Variants in NUP210L observed in about 807,000 individuals in gnomAD.
The protein encoded by NUP210L is nucleoporin 210 like.
A neutral mutation model predicts 208.5 loss-of-function variants in NUP210L; 74 were observed. The ratio of observed to expected loss-of-function variants is 0.35; its 90% CI spans 0.29 to 0.43. The LOEUF (loss-of-function observed/expected upper bound fraction) is 0.43, where lower values mean the gene tolerates loss of function less well. NUP210L is among the 20% of genes least tolerant of loss of function. The pLI is 1.00. For missense variants in NUP210L, 1,843 were observed against 2,289.4 expected, an observed-to-expected ratio of 0.81 and a Z score of 3.98; for synonymous variants, 780 against 816.9, an observed-to-expected ratio of 0.95 and a Z score of 0.77.
chr1:154,123,554 C>T (rs1343728170), intron 10 of NUP210L, among the ~76,000 whole-genome samples: 1 of 152,112 alleles, frequency 6.6e-6, no homozygotes, highest in Non-Finnish European at 1.5e-5. Flanking sequence ...TCTGGTAAAT[C>T]TATAATAATT....
At chr1:154,090,810 T>TAA (rs78712088) in intron 15 of NUP210L, among the ~76,000 whole-genome samples, 3 of 135,720 alleles carry the variant, frequency 2.2e-5, no homozygotes, top group Admixed American at 7.4e-5. Flanking sequence ...AAACTACATC[T>TAA]AAAAAAAAAA....
intron 7 of NUP210L, among the ~76,000 whole-genome samples, chr1:154,134,066 C>T (rs1658389287): frequency 6.6e-6 from 1 of 151,488 alleles, no homozygotes; most frequent in African/African-American, 2.4e-5. Context: ...AGGAGAATAA[C>T]TCGAACCTGG....
chr1:154,107,604 A>G (rs567689328), intron 12 of NUP210L, among the ~76,000 whole-genome samples: 16 of 151,286 alleles, frequency 1.1e-4, no homozygotes, highest in Admixed American at 6.6e-5. Context: ...AGTGGCTCAC[A>G]CCTGTAATCC....
intron 12 of NUP210L, among the ~76,000 whole-genome samples, chr1:154,113,616 T>C (rs959312987): frequency 6.6e-6 from 1 of 152,040 alleles, no homozygotes; most frequent in Admixed American, 6.6e-5. Context: ...TCCCAGCATT[T>C]TGGGAGGCCA....
chr1:154,094,179 A>G (rs960989366), intron 15 of NUP210L, among the ~76,000 whole-genome samples: 36 of 152,256 alleles, frequency 2.4e-4, no homozygotes, highest in African/African-American at 7.9e-4. Context: ...GCTACTCAGG[A>G]GGCCGAAACA....
chr1:154,010,240 A>T, intron 34 of NUP210L, 119 bp from the exon 35 acceptor site: 1 of 903,690 alleles, frequency 1.1e-6, no homozygotes, highest in Non-Finnish European at 1.7e-6. Context: ...AGGGTCAGTT[A>T]TGGCTGGTTT....
At chr1:154,050,884 T>C (rs1284052541) in intron 25 of NUP210L, among the ~76,000 whole-genome samples, 1 of 152,234 alleles carries the variant, frequency 6.6e-6, no homozygotes, top group Non-Finnish European at 1.5e-5. Flanking sequence ...GGTAAAGTTT[T>C]TCAGATGCCC....
chr1:154,083,164 C>A (rs1655441704), intron 16 of NUP210L, among the ~76,000 whole-genome samples: 1 of 152,100 alleles, frequency 6.6e-6, no homozygotes. Flanking sequence ...CTTTTATTCC[C>A]TTATTTGGCC....
exon 7 of NUP210L, chr1:154,135,959 G>T (rs1283546808): frequency 1.9e-6 from 3 of 1,603,320 alleles, no homozygotes. Flanking sequence ...AATGTTCCAG[G>T]GGAAATTTCA....
chr1:154,009,799 A>C (rs905329277), intron 35 of NUP210L, among the ~76,000 whole-genome samples, 173 bp downstream of exon 35: 1 of 151,710 alleles, frequency 6.6e-6, no homozygotes, highest in Non-Finnish European at 1.5e-5. Context: ...TCTCAAAAAA[A>C]AAAAAAAAAA....
intron 27 of NUP210L, among the ~76,000 whole-genome samples, chr1:154,036,313 CATGT>C (rs1427215131): frequency 1.0e-3 from 104 of 104,112 alleles, no homozygotes; most frequent in East Asian, 7.2e-3. Flanking sequence ...ACAGTTGGAA[CATGT>C]GTGTGTGTGT....
intron 14 of NUP210L, among the ~76,000 whole-genome samples, chr1:154,097,397 C>T (rs749629389): frequency 2.0e-5 from 3 of 152,008 alleles, no homozygotes; most frequent in Non-Finnish European, 4.4e-5. Flanking sequence ...CCTTTAAGGA[C>T]GACTTTCATT....
intron 37 of NUP210L, among the ~76,000 whole-genome samples, chr1:153,998,708 CTTTTTTTTTTT>C (rs34457474): frequency 9.1e-6 from 1 of 109,836 alleles, no homozygotes; most frequent in South Asian, 3.2e-4. Flanking sequence ...TCTAGAGATC[CTTTTTTTTTTT>C]TTTTTTTTTT....
intron 25 of NUP210L, among the ~76,000 whole-genome samples, chr1:154,052,767 T>G (rs1471958061): frequency 6.6e-6 from 1 of 152,164 alleles, no homozygotes; most frequent in Non-Finnish European, 1.5e-5. Flanking sequence ...CCAGAAATAA[T>G]GAATGTACTT....
chr1:154,060,717 C>T (rs1266428493), intron 19 of NUP210L, 76 bp from the exon 20 acceptor site: 10 of 986,954 alleles, frequency 1.0e-5, no homozygotes, highest in Non-Finnish European at 1.6e-5. Flanking sequence ...TTTCTACCTA[C>T]CTAAGAAAGA....
At chr1:154,047,953 G>A (rs1029832289) in intron 25 of NUP210L, among the ~76,000 whole-genome samples, 2 of 152,174 alleles carry the variant, frequency 1.3e-5, no homozygotes, top group African/African-American at 4.8e-5. Context: ...GTACTCTTAA[G>A]CAATCCCTGT....
At chr1:154,049,725 T>C (rs989520465) in intron 25 of NUP210L, among the ~76,000 whole-genome samples, 4 of 152,216 alleles carry the variant, frequency 2.6e-5, no homozygotes, top group African/African-American at 9.6e-5. Flanking sequence ...ATACAACCTA[T>C]GGGGGCATTA....
chr1:154,058,101 ATG>A lies in NUP210L; in HGVS notation c.3093_3094del (p.Ile1032CysfsTer14). Reference sequence around the variant, plus strand: ...AAATGGTACTTACGTCAGGGTGACAATGGCAGAAGCCAACTGCAGTTTGAGTT... The same window carrying A: ...AAATGGTACTTACGTCAGGGTGACAAGCAGAAGCCAACTGCAGTTTGAGTT... On this transcript the variant is annotated frameshift_variant, in exon 22 of 40. Transcript: ENST00000368559. LOFTEE classifies it high-confidence loss of function. 6.2e-7 allele frequency: 1 copy of A among 1,614,168 alleles called. No individual in the cohort carries two copies. The highest frequency in any genetic ancestry group is 8.5e-7 in the Non-Finnish European group (1 of 1,180,004).
At chr1:154,045,975 A>T (rs2147970977) in intron 27 of NUP210L, 94 bp downstream of exon 27, 648 of 903,924 alleles carry the variant, frequency 7.2e-4, no homozygotes, top group Non-Finnish European at 9.8e-4. Flanking sequence ...ACAGAGTGAG[A>T]CCTCATCTCA....
Sources: gnomAD v4.1 joint callset for allele counts (sites outside exome capture counted in the v4.1 genomes callset) on GRCh38, gnomAD v4.1.1 for gene constraint, MANE v1.5 for transcripts, NCBI Gene and HGNC (gene_info 2026-07-23, HGNC 2026-07-21) for gene names.